The following BCAS3 variants were observed in gnomAD, a reference collection of about 807,000 sequenced individuals.
BCAS3 encodes BCAS4/BCAS3 fusion.
In BCAS3, 53 loss-of-function variants were observed where a neutral mutation model predicts 116.1. The ratio of observed to expected loss-of-function variants is 0.46; its 90% CI spans 0.37 to 0.57. The LOEUF is 0.57. Ranked by LOEUF, BCAS3 falls within the 20% of genes least tolerant of loss-of-function variation. BCAS3 has a pLI of 0.00. For missense variants in BCAS3, 917 were observed against 1,165.4 expected (o/e 0.79, Z 3.10); for synonymous variants, 391 against 408.2 (o/e 0.96, Z 0.51).
chr17:60,963,031 A>G (rs1267069344), intron 14 of BCAS3, among the ~76,000 whole-genome samples: 2 of 152,224 alleles, frequency 1.3e-5, no homozygotes, highest in African/African-American at 4.8e-5. Context: ...GTCTTTGTCA[A>G]AGACGAATTG....
At chr17:60,999,042 G>A (rs80296341) in intron 15 of BCAS3, among the ~76,000 whole-genome samples, 1 of 152,048 alleles carries the variant, frequency 6.6e-6, no homozygotes, top group Non-Finnish European at 1.5e-5. Flanking sequence ...TATATAGTTA[G>A]CCAGTTTCTC....
Position 61,141,678 on chromosome 17 carries a change from G to A in BCAS3, c.2425+57114G>A, listed in dbSNP as rs142816408. 5.4e-3 allele frequency among the ~76,000 whole-genome samples: 822 copies of A among 152,196 alleles called. 7 individuals are homozygous for A. The highest frequency in any genetic ancestry group is 0.017 in the African/African-American group (704 of 41,542). ...AGCTCTTTGAGAGGCTGAGGTGGGC[G>A]GATCACGAGGTCAAGAGATCAAGAC... is the stretch of plus-strand genomic sequence containing the variant. On this transcript the variant is annotated intron_variant, in intron 22 of 23. Coordinates refer to ENST00000407086, the MANE Select transcript of BCAS3 (RefSeq NM_017679.5). This position sits in a 1 kb window ranked among gnomAD's most constrained non-coding sequence, Gnocchi z 4.3.
At chr17:60,947,706 T>C (rs2060587368) in intron 14 of BCAS3, among the ~76,000 whole-genome samples, 1 of 152,188 alleles carries the variant, frequency 6.6e-6, no homozygotes, top group Non-Finnish European at 1.5e-5. Flanking sequence ...TACATAAATA[T>C]GTATGTGCAT....
At chr17:60,707,728 A>C (rs1203681418) in intron 4 of BCAS3, among the ~76,000 whole-genome samples, 2 of 152,132 alleles carry the variant, frequency 1.3e-5, no homozygotes, top group African/African-American at 4.8e-5. Flanking sequence ...GCATTTTAGC[A>C]AATGCTTTTT....
At chr17:60,869,948 T>G (rs570874785) in intron 8 of BCAS3, among the ~76,000 whole-genome samples, 11 of 152,274 alleles carry the variant, frequency 7.2e-5, no homozygotes, top group African/African-American at 2.6e-4. Context: ...ACAAAACTCT[T>G]TCTCTTATTT....
chr17:61,287,234 C>T (rs1014680343), intron 22 of BCAS3, among the ~76,000 whole-genome samples: 5 of 150,406 alleles, frequency 3.3e-5, no homozygotes, highest in African/African-American at 9.8e-5. Flanking sequence ...GGCAACAGAG[C>T]CAGACTCTTA....
intron 22 of BCAS3, among the ~76,000 whole-genome samples, chr17:61,125,102 G>T (rs1197762667): frequency 6.6e-6 from 1 of 152,044 alleles, no homozygotes; most frequent in Non-Finnish European, 1.5e-5. Flanking sequence ...TGAATGTCTA[G>T]GTATGTGTAT....
At chr17:61,173,415 C>A (rs2078968540) in intron 22 of BCAS3, among the ~76,000 whole-genome samples, 1 of 151,612 alleles carries the variant, frequency 6.6e-6, no homozygotes, top group Non-Finnish European at 1.5e-5. Context: ...CGCCACTGCA[C>A]CCCAGCCTGG....
intron 6 of BCAS3, among the ~76,000 whole-genome samples, chr17:60,748,626 G>A (rs186741748): frequency 3.9e-5 from 6 of 152,234 alleles, no homozygotes; most frequent in African/African-American, 7.2e-5. Context: ...ATTCACAGAC[G>A]CAGATTTTTC....
At chr17:60,957,352 C>G (rs1265766343) in intron 14 of BCAS3, among the ~76,000 whole-genome samples, 1 of 152,060 alleles carries the variant, frequency 6.6e-6, no homozygotes, top group African/African-American at 2.4e-5. Context: ...TAGATAAATG[C>G]AAATATTTGT....
At chr17:61,329,340 A>ATT (rs199612323) in intron 22 of BCAS3, among the ~76,000 whole-genome samples, 61 of 109,464 alleles carry the variant, frequency 5.6e-4, no homozygotes, top group East Asian at 4.7e-3. Flanking sequence ...TATTATTATT[A>ATT]TTATTTTTTT....
intron 22 of BCAS3, among the ~76,000 whole-genome samples, chr17:61,230,960 T>C (rs2082640455): frequency 1.1e-5 from 1 of 88,098 alleles, no homozygotes; most frequent in Non-Finnish European, 2.3e-5. Context: ...AGTTTTTGCC[T>C]TTTTTTTTTT....
intron 22 of BCAS3, among the ~76,000 whole-genome samples, chr17:61,089,461 G>T (rs1601140706): frequency 6.8e-6 from 1 of 148,128 alleles, no homozygotes; most frequent in Non-Finnish European, 1.5e-5. Context: ...TTCATGGACT[G>T]GGGGAAGAGT....
chr17:61,059,029 C>T lies in BCAS3; in HGVS notation c.2030-15891C>T, dbSNP rs115869867. ...TACTTGCTATCTGTACAGCTTTAGG[C>T]AGATAACCTCCCCGAACTCTTTTTT... On this transcript the variant is annotated intron_variant, in intron 19 of 23. Coordinates refer to ENST00000407086, the MANE Select transcript of BCAS3 (RefSeq NM_017679.5). Among the ~76,000 whole-genome samples the T allele has an allele frequency of 2.2e-3, 312 of 139,698 alleles. 2 individuals carry two copies. Among genetic ancestry groups the T allele is most frequent in the African/African-American group, 7.7e-3 (293 of 38,110 alleles). The allele number at this position is 139,698 out of a possible 152,430, so 91.6% of individuals were successfully genotyped here.
rs1293692272 is a variant in BCAS3, at chr17:61,077,654, A to G, written c.2131-679A>G. 1.3e-5 allele frequency among the ~76,000 whole-genome samples: 2 copies of G among 152,208 alleles called. No individual in the cohort carries two copies. The highest frequency in any genetic ancestry group is 2.9e-5 in the Non-Finnish European group (2 of 68,044). On this transcript the variant is annotated intron_variant, in intron 20 of 23. Coordinates refer to ENST00000407086, the MANE Select transcript of BCAS3 (RefSeq NM_017679.5). The surrounding 1 kb of genome is among the most constrained non-coding windows in gnomAD (Gnocchi z 4.3). ...AAATGCCTGTGTCGATATTTGTGGC[A>G]GTTGAGAAAACACACTAATTAATGG...
At chr17:61,086,193 A>G (rs2143550490) in intron 22 of BCAS3, among the ~76,000 whole-genome samples, 1 of 152,280 alleles carries the variant, frequency 6.6e-6, no homozygotes, top group South Asian at 2.1e-4. Flanking sequence ...GGTTCAAGCA[A>G]TTCTCCTATC....
chr17:61,204,008 G>A lies in BCAS3; in HGVS notation c.2425+119444G>A, dbSNP rs190867348. Among the ~76,000 whole-genome samples the A allele has an allele frequency of 3.5e-4, 53 of 152,250 alleles. No homozygotes were observed. The highest frequency in any genetic ancestry group is 2.3e-3 in the Admixed American group (35 of 15,280). Reference sequence around the variant, plus strand: ...GCTGGGGTTTTGGCAGCCTGTCCTCGGGTTGTTCAGCCTGGTGACCCTAGC... The same window carrying A: ...GCTGGGGTTTTGGCAGCCTGTCCTCAGGTTGTTCAGCCTGGTGACCCTAGC... On this transcript the variant is annotated intron_variant, in intron 22 of 23. Transcript: ENST00000407086. The surrounding 1 kb of genome is among the most constrained non-coding windows in gnomAD (Gnocchi z 4.2).
chr17:61,391,051 G>T lies in BCAS3; in HGVS notation c.2594-926G>T, dbSNP rs1305287125. ...CCTTCAAAAAGCCAAGAAGTAATTGGTTCTTCCTTGCACTCAGCAAGCAGG... is the reference window on the plus strand; with the variant it reads ...CCTTCAAAAAGCCAAGAAGTAATTGTTTCTTCCTTGCACTCAGCAAGCAGG... On this transcript the variant is annotated intron_variant, in intron 23 of 23. Transcript: ENST00000407086. This position sits in a 1 kb window ranked among gnomAD's most constrained non-coding sequence, Gnocchi z 7.7. The T allele has an allele frequency of 6.6e-6, 1 of 152,246 alleles. No homozygotes were observed. The highest frequency in any genetic ancestry group is 1.5e-5 in the Non-Finnish European group (1 of 68,058). 9.4% of individuals were successfully genotyped at this position (152,246 alleles called of 1,614,324 possible).
intron 22 of BCAS3, among the ~76,000 whole-genome samples, chr17:61,236,163 G>A (rs2083042234): frequency 6.6e-6 from 1 of 152,124 alleles, no homozygotes; most frequent in South Asian, 2.1e-4. Context: ...GCTATCATAC[G>A]TCAGAATCCT....
Sources: gnomAD v4.1 joint callset for allele counts (sites outside exome capture counted in the v4.1 genomes callset) on GRCh38, gnomAD v4.1.1 for gene constraint, Gnocchi (gnomAD v3.1) non-coding constraint, MANE v1.5 for transcripts, NCBI Gene and HGNC (gene_info 2026-07-23, HGNC 2026-07-21) for gene names.